Variants in SMPD1 observed in about 807,000 individuals in gnomAD.
SMPD1 encodes sphingomyelin phosphodiesterase.
In SMPD1, 47 loss-of-function variants were observed where a neutral mutation model predicts 49.7. That is an observed-to-expected ratio of 0.95 (90% confidence interval 0.75 to 1.21). The LOEUF is 1.21. Ranked by LOEUF, SMPD1 falls within the 50% of genes most tolerant of loss-of-function variation. The pLI is 0.00. For synonymous variants in SMPD1, 336 were observed against 339.6 expected (o/e 0.99, Z 0.12); for missense variants, 811 against 822.2 (o/e 0.99, Z 0.17).
intron 5 of SMPD1, 60 bp from the exon 6 acceptor site, chr11:6,394,138 G>T (rs1330366974): frequency 1.2e-6 from 2 of 1,612,962 alleles, no homozygotes; most frequent in Non-Finnish European, 1.7e-6. Context: ...CAGGATGTGT[G>T]GCCCCTCCCT....
chr11:6,391,404 C>T lies in SMPD1; in HGVS notation c.339C>T (p.Arg113=), dbSNP rs923028036. 9 of 1,612,660 alleles carry T rather than the reference C, an allele frequency of 5.6e-6. No homozygotes were observed. Among genetic ancestry groups the T allele is most frequent in the African/African-American group, 1.3e-5 (1 of 74,878 alleles). ...LGLKKEPNVA[R]VGSVAIKLCN... is the part of the protein sequence containing the mutation. ...TGCAGAAGGAACCCAATGTGGCTCGCGTGGGCTCCGTGGCCATCAAGCTGT... is the reference window on the plus strand; with the variant it reads ...TGCAGAAGGAACCCAATGTGGCTCGTGTGGGCTCCGTGGCCATCAAGCTGT... Residue 113 remains arginine, a synonymous_variant, in exon 2 of 6, where the codon CGC becomes CGT. Transcript: ENST00000342245.
Position 6,393,348 on chromosome 11 carries a change from G to A in SMPD1, c.1224G>A (p.Leu408=), listed in dbSNP as rs1448718304. 3.7e-6 allele frequency: 6 copies of A among 1,613,976 alleles called. No individual in the cohort carries two copies. The highest frequency in any genetic ancestry group is 5.1e-6 in the Non-Finnish European group (6 of 1,179,846). ...STDPAGQLQW[L]VGELQAAEDR... is the part of the protein sequence containing the mutation. ...ATCCCGCAGGACAGCTCCAGTGGCT[G>A]GTGGGGGAGCTTCAGGCTGCTGAGG... The change falls in exon 3 of 6, where the codon CTG becomes CTA. Residue 408 remains leucine, a synonymous_variant. Coordinates refer to ENST00000342245, the MANE Select transcript of SMPD1 (RefSeq NM_000543.5).
At position 6,391,445 on chromosome 11, in the gene SMPD1, T is replaced by C. The variant is rs1847903513; in HGVS notation, c.380T>C (p.Ile127Thr). 3.1e-6 allele frequency: 5 copies of C among 1,613,578 alleles called. No homozygotes were observed. In the South Asian group the frequency reaches 3.3e-5, roughly 11 times the overall value. Residue 127 changes from isoleucine to threonine, a missense_variant, in exon 2 of 6, where the codon ATA becomes ACA. By Grantham distance (89) the Ile-to-Thr change is moderately conservative (BLOSUM62 -1). Coordinates refer to ENST00000342245, the MANE Select transcript of SMPD1 (RefSeq NM_000543.5). ...ATCAAGCTGTGCAATCTGCTGAAGATAGCACCACCTGCCGTGTGCCAATCC... is the reference window on the plus strand; with the variant it reads ...ATCAAGCTGTGCAATCTGCTGAAGACAGCACCACCTGCCGTGTGCCAATCC... ...VAIKLCNLLK[I>T]APPAVCQSIV...
At chr11:6,391,254 A>G in intron 1 of SMPD1, 130 bp from the exon 2 acceptor site, 3 of 891,146 alleles carry the variant, frequency 3.4e-6, no homozygotes, top group Non-Finnish European at 5.5e-6. Context: ...AAAGGTGTGC[A>G]CTGAGCTTGG....
Position 6,393,916 on chromosome 11 carries a change from C to T in SMPD1, c.1361C>T (p.Ala454Val), listed in dbSNP as rs1402734026. Residue 454 changes from alanine (A) to valine (V), a missense_variant, in exon 5 of 6, where the codon GCT becomes GTT. Coordinates refer to ENST00000342245, the MANE Select transcript of SMPD1 (RefSeq NM_000543.5). ...GCCAGGTATGAGAACACCCTGGCTG[C>T]TCAGTTCTTTGGCCACACTCATGTG... ...IVARYENTLAAQFFGHTHVDE... is the reference protein window; with the variant it reads ...IVARYENTLAVQFFGHTHVDE... The T allele has an allele frequency of 1.2e-6, 2 of 1,614,170 alleles. No homozygotes were observed. The highest frequency in any genetic ancestry group is 3.3e-5 in the Admixed American group (2 of 60,020).
intron 2 of SMPD1, among the ~76,000 whole-genome samples, chr11:6,392,486 C>CTTTTTTT (rs754271358): frequency 1.5e-4 from 7 of 45,748 alleles, no homozygotes; most frequent in South Asian, 1.6e-3. Flanking sequence ...CTGGCCCTCC[C>CTTTTTTT]TTTTTTTTTT....
chr11:6,391,004 A>G lies in SMPD1; in HGVS notation c.318+88A>G, dbSNP rs1564922409. On this transcript the variant is annotated intron_variant, in intron 1 of 5. Transcript: ENST00000342245. ...CTGATGCTGGTGCGCTGGGCTCAGA[A>G]TGCATCCCTGATGGAGAGGGTGGCA... The G allele has an allele frequency of 9.3e-6, 14 of 1,513,426 alleles. No homozygotes were observed. In the South Asian group the frequency reaches 1.4e-4, roughly 15 times the overall value. 93.7% of individuals were successfully genotyped at this position (1,513,426 alleles called of 1,614,324 possible).
chr11:6,392,828 C>T (rs1847995627), intron 2 of SMPD1, among the ~76,000 whole-genome samples: 1 of 152,052 alleles, frequency 6.6e-6, no homozygotes, highest in African/African-American at 2.4e-5. Flanking sequence ...TCTCCAGCCA[C>T]CCTCCTTCAA....
At chr11:6,393,463 C>T in intron 3 of SMPD1, 76 bp downstream of exon 3, 1 of 1,528,082 alleles carries the variant, frequency 6.5e-7, no homozygotes. Flanking sequence ...CCTCTGGGCA[C>T]AGAAGTTTTA....
chr11:6,391,633 C>T lies in SMPD1; in HGVS notation c.568C>T (p.Pro190Ser), dbSNP rs762912222. Residue 190 changes from proline to serine, a missense_variant, in exon 2 of 6, where the codon CCC becomes TCC. Physicochemically the swap from Pro to Ser is moderately conservative, Grantham distance 74. Transcript: ENST00000342245. ...TACTGTGCCGAAGCCGCCCCCCAAA[C>T]CCCCTAGCCCCCCAGCCCCAGGTGC... ...LPTVPKPPPK[P>S]PSPPAPGAPV... The T allele has an allele frequency of 2.2e-5, 23 of 1,062,518 alleles. No individual in the cohort carries two copies. Among genetic ancestry groups the T allele is most frequent in the Non-Finnish European group, 2.7e-5 (21 of 764,124 alleles). 65.8% of individuals were successfully genotyped at this position (1,062,518 alleles called of 1,614,324 possible). A position where few individuals can be genotyped will look rare whatever the true frequency, so the allele number is the denominator to read the frequency against.
rs757364674 is a variant in SMPD1, at chr11:6,394,409, G to T, written c.1698G>T (p.Met566Ile). The T allele has an allele frequency of 2.5e-6, 4 of 1,614,114 alleles. No individual in the cohort carries two copies. The East Asian group carries it at 8.9e-5, about 36-fold the overall frequency. ...HNLVYRMRGD[M>I]QLFQTFWFLY... ...TGGTATATCGCATGCGGGGCGACAT[G>T]CAACTTTTCCAGACCTTCTGGTTTC... The change falls in exon 6 of 6, where the codon ATG becomes ATT. Residue 566 changes from methionine (M) to isoleucine (I), a missense_variant. By Grantham distance (10) the Met-to-Ile change is conservative. Coordinates refer to ENST00000342245, the MANE Select transcript of SMPD1 (RefSeq NM_000543.5).
Position 6,390,813 on chromosome 11 carries a change from G to C in SMPD1, c.215G>C (p.Arg72Thr). 1 of 1,614,112 alleles carries C rather than the reference G, an allele frequency of 6.2e-7. No homozygotes were observed. ...HPLSPQGHPA[R>T]LHRIVPRLRD... ...CTTTCTCCCCAAGGCCATCCTGCCA[G>C]GTTACATCGCATAGTGCCCCGGCTC... The change falls in exon 1 of 6, where the codon AGG becomes ACG. Residue 72 changes from arginine to threonine, a missense_variant. Arg to Thr is a moderately conservative substitution (Grantham distance 71). Transcript: ENST00000342245.
At chr11:6,393,587 C>G in intron 3 of SMPD1, 30 bp from the exon 4 acceptor site, 1 of 1,578,510 alleles carries the variant, frequency 6.3e-7, no homozygotes, top group Non-Finnish European at 8.7e-7. Flanking sequence ...CCTGGATGCC[C>G]TGATTACCAT....
Position 6,394,859 on chromosome 11 carries a change from C to G in SMPD1, c.*252C>G, listed in dbSNP as rs2134025853. The G allele has an allele frequency of 1.8e-6, 1 of 564,854 alleles. No individual in the cohort carries two copies. The highest frequency in any genetic ancestry group is 3.2e-6 in the Non-Finnish European group (1 of 315,988). 35.0% of individuals were successfully genotyped at this position (564,854 alleles called of 1,614,324 possible). A position where few individuals can be genotyped will look rare whatever the true frequency, so the allele number is the denominator to read the frequency against. ...TCCTTTCACAGCCATGGAGTAGAGG[C>G]CTAAGTTGACACTGCCCTGGGCAGA... On this transcript the variant is annotated 3_prime_UTR_variant, in exon 6 of 6. Transcript: ENST00000342245.
rs797044799 is a variant in SMPD1 at position 6,391,939 on chromosome 11, C to G, written c.874C>G (p.Gln292Glu). The change falls in exon 2 of 6, where the codon CAG becomes GAG. Residue 292 changes from glutamine (Q) to glutamate (E), a missense_variant. Transcript: ENST00000342245. ...ACATGATGTCTGGCACCAGACTCGT[C>G]AGGACCAACTGCGGGCCCTGACCAC... ...PAHDVWHQTRQDQLRALTTVT... is the reference protein window; with the variant it reads ...PAHDVWHQTREDQLRALTTVT... 1.2e-6 allele frequency: 2 copies of G among 1,614,126 alleles called. No individual in the cohort carries two copies. The highest frequency in any genetic ancestry group is 1.7e-6 in the Non-Finnish European group (2 of 1,180,058).
At position 6,391,636 on chromosome 11, in the gene SMPD1, C is replaced by T. The variant is rs1245849479; in HGVS notation, c.571C>T (p.Pro191Ser). Residue 191 changes from proline (P) to serine (S), a missense_variant, in exon 2 of 6, where the codon CCT (proline) becomes TCT (serine). By Grantham distance (74) the Pro-to-Ser change is moderately conservative (BLOSUM62 -1). Transcript: ENST00000342245. Reference sequence around the variant, plus strand: ...TGTGCCGAAGCCGCCCCCCAAACCCCCTAGCCCCCCAGCCCCAGGTGCCCC... The same window carrying T: ...TGTGCCGAAGCCGCCCCCCAAACCCTCTAGCCCCCCAGCCCCAGGTGCCCC... ...PTVPKPPPKP[P>S]SPPAPGAPVS... The T allele has an allele frequency of 6.5e-7, 1 of 1,540,434 alleles. No homozygotes were observed. The highest frequency in any genetic ancestry group is 1.4e-5 in the African/African-American group (1 of 72,556).
Position 6,394,472 on chromosome 11 carries a change from C to T in SMPD1, c.1761C>T (p.Gly587=). 7 of 1,614,054 alleles carry T rather than the reference C, an allele frequency of 4.3e-6. No individual in the cohort carries two copies. The highest frequency in any genetic ancestry group is 5.9e-6 in the Non-Finnish European group (7 of 1,180,028). ...HKGHPPSEPC[G]TPCRLATLCA... ...GCCACCCACCCTCGGAGCCCTGTGG[C>T]ACGCCCTGCCGTCTGGCTACTCTTT... The change falls in exon 6 of 6, where the codon GGC becomes GGT. Residue 587 remains glycine (G), a synonymous_variant. Transcript: ENST00000342245.
In SMPD1 at chr11:6,392,167, TCCGTGGAA is replaced by T; in HGVS notation, c.1091+12_1091+19del. ...CCTGCGCACCCTCAGGTACTTATCG[TCCGTGGAA>T]ACCCAGGAAGGGAAAAGAAAGGTGA... On this transcript the variant is annotated intron_variant, in intron 2 of 5. Transcript: ENST00000342245. 1 of 1,613,920 alleles carries T rather than the reference TCCGTGGAA, an allele frequency of 6.2e-7. No individual in the cohort carries two copies. The highest frequency in any genetic ancestry group is 2.2e-5 in the East Asian group (1 of 44,874).
At chr11:6,392,739 C>G (rs940244855) in intron 2 of SMPD1, among the ~76,000 whole-genome samples, 1 of 151,788 alleles carries the variant, frequency 6.6e-6, no homozygotes, top group Admixed American at 6.6e-5. Context: ...ATGATCTGCC[C>G]ACCTCGGCCT....
Sources: allele counts gnomAD v4.1 joint callset (sites outside exome capture counted in the v4.1 genomes callset), GRCh38; gene constraint gnomAD v4.1.1; transcripts MANE v1.5; gene names NCBI Gene and HGNC (gene_info 2026-07-23, HGNC 2026-07-21).